SRPK2: variants seen among roughly 807,000 people sequenced by gnomAD.
SRPK2 encodes SFRS protein kinase 2.
In SRPK2, 21 loss-of-function variants were observed where a neutral mutation model predicts 90.8. That is an observed-to-expected ratio of 0.23 (90% confidence interval 0.16 to 0.33). The LOEUF is 0.33. Ranked by LOEUF, SRPK2 falls within the 10% of genes least tolerant of loss-of-function variation. The pLI is 1.00. For missense variants in SRPK2, 620 were observed against 869.0 expected, an observed-to-expected ratio of 0.71 and a Z score of 3.60; for synonymous variants, 288 against 311.1, an observed-to-expected ratio of 0.93 and a Z score of 0.78.
rs536724471 is a variant in SRPK2 at position 105,366,214 on chromosome 7, A to G, written c.71+22434T>C. Among the ~76,000 whole-genome samples, 59 of 152,084 alleles carry G rather than the reference A, an allele frequency of 3.9e-4. No homozygotes were observed. In the South Asian group the frequency reaches 0.012, roughly 30 times the overall value. On this transcript the variant is annotated intron_variant, in intron 2 of 15. Transcript: ENST00000393651. ...CTGCCACTTGGTGGCTTCTCCTGCT[A>G]TCTCCTCATTTCTTAAGGCAAACCT...
intron 8 of SRPK2, among the ~76,000 whole-genome samples, chr7:105,146,139 C>T (rs1221199719): frequency 6.6e-6 from 1 of 152,156 alleles, no homozygotes; most frequent in African/African-American, 2.4e-5. Context: ...AATTTATGTA[C>T]ACAAAATTGA....
intron 2 of SRPK2, among the ~76,000 whole-genome samples, chr7:105,350,551 G>A (rs1223614821): frequency 5.4e-5 from 6 of 110,440 alleles, no homozygotes; most frequent in African/African-American, 2.1e-4. Context: ...TTTTTGAGAC[G>A]GAATCTCTGT....
At position 105,203,700 on chromosome 7, in the gene SRPK2, G is replaced by T. The variant is rs748330120; in HGVS notation, c.157C>A (p.Pro53Thr). 4 of 1,597,296 alleles carry T rather than the reference G, an allele frequency of 2.5e-6. No homozygotes were observed. The highest frequency in any genetic ancestry group is 3.4e-6 in the Non-Finnish European group (4 of 1,172,542). ...PPPPPLPDPT[P>T]PEPEEEILGS... ...AGGATCTCCTCCTCTGGCTCCGGGG[G>T]TGTGGGGTCTGGCAAAGGTGGCGGT... The change falls in exon 3 of 16, where the codon CCC becomes ACC. Residue 53 changes from proline to threonine, a missense_variant. Physicochemically the swap from Pro to Thr is conservative, Grantham distance 38. Coordinates refer to ENST00000393651, the MANE Select transcript of SRPK2 (RefSeq NM_182692.3).
intron 3 of SRPK2, among the ~76,000 whole-genome samples, chr7:105,194,742 G>T (rs1794711037): frequency 6.6e-6 from 1 of 152,154 alleles, no homozygotes; most frequent in African/African-American, 2.4e-5. Context: ...AACAATCCTG[G>T]AAGAGAAGCA....
intron 9 of SRPK2, chr7:105,143,559 G>A: frequency 1.8e-6 from 1 of 564,356 alleles, no homozygotes; most frequent in South Asian, 2.2e-5. Context: ...CCTGCCCTCA[G>A]AGGGATATAG....
At chr7:105,380,369 T>C (rs983308814) in intron 2 of SRPK2, among the ~76,000 whole-genome samples, 2 of 152,050 alleles carry the variant, frequency 1.3e-5, no homozygotes, top group African/African-American at 2.4e-5. Context: ...TGACCTCTAG[T>C]GATCCTCACT....
chr7:105,353,568 G>A (rs749411363), intron 2 of SRPK2, among the ~76,000 whole-genome samples: 19 of 151,876 alleles, frequency 1.3e-4, no homozygotes, highest in Non-Finnish European at 2.4e-4. Flanking sequence ...GTTTTGTCAC[G>A]TTGCTCAGGC....
intron 2 of SRPK2, among the ~76,000 whole-genome samples, chr7:105,386,729 TA>T (rs987251676): frequency 6.6e-6 from 1 of 152,102 alleles, no homozygotes; most frequent in African/African-American, 2.4e-5. Context: ...AAAAAATTAT[TA>T]AATAAAATTA....
intron 9 of SRPK2, among the ~76,000 whole-genome samples, chr7:105,145,060 C>T (rs1390646004): frequency 2.7e-5 from 4 of 147,900 alleles, no homozygotes; most frequent in South Asian, 2.1e-4. Context: ...GAGCCGAGAT[C>T]GCACCACTTG....
At chr7:105,361,517 G>C (rs376789131) in intron 2 of SRPK2, among the ~76,000 whole-genome samples, 12 of 152,124 alleles carry the variant, frequency 7.9e-5, no homozygotes, top group East Asian at 5.8e-4. Flanking sequence ...GCACTGCCAA[G>C]ACAATCCTAA....
chr7:105,351,487 G>A (rs1047792839), intron 2 of SRPK2, among the ~76,000 whole-genome samples: 2 of 144,792 alleles, frequency 1.4e-5, no homozygotes, highest in East Asian at 2.7e-4. Context: ...GTTACACTCC[G>A]TCTCAAAAAT....
intron 2 of SRPK2, among the ~76,000 whole-genome samples, chr7:105,218,429 C>T (rs1797717871): frequency 6.6e-6 from 1 of 152,126 alleles, no homozygotes; most frequent in South Asian, 2.1e-4. Context: ...GATACACACC[C>T]ATGGTTAAGA....
At chr7:105,244,786 G>T in intron 2 of SRPK2, 1 of 968,780 alleles carries the variant, frequency 1.0e-6, no homozygotes, top group East Asian at 2.4e-5. Flanking sequence ...ACATGATCCC[G>T]GAGGCATGTG....
intron 2 of SRPK2, chr7:105,244,597 G>A: frequency 1.5e-6 from 1 of 645,630 alleles, no homozygotes; most frequent in Non-Finnish European, 2.8e-6. Context: ...AAATCCCAGA[G>A]TTCCACGCGG....
At chr7:105,287,285 G>GAAAAAAA (rs1212254616) in intron 2 of SRPK2, among the ~76,000 whole-genome samples, 1 of 25,668 alleles carries the variant, frequency 3.9e-5, no homozygotes, top group East Asian at 1.5e-3. Context: ...AAAAAAAAAA[G>GAAAAAAA]AAGAAAAGGA....
intron 2 of SRPK2, among the ~76,000 whole-genome samples, chr7:105,366,174 C>T (rs1819032562): frequency 6.6e-6 from 1 of 151,788 alleles, no homozygotes; most frequent in Non-Finnish European, 1.5e-5. Context: ...TTAATGGTGT[C>T]TGGGAACTCA....
At chr7:105,137,810 C>T (rs530342713) in intron 11 of SRPK2, among the ~76,000 whole-genome samples, 10 of 152,004 alleles carry the variant, frequency 6.6e-5, no homozygotes, top group Non-Finnish European at 1.3e-4. Flanking sequence ...ACATTCTGCC[C>T]TAAAGTCAGG....
At chr7:105,202,437 T>G (rs1471423669) in intron 3 of SRPK2, among the ~76,000 whole-genome samples, 1 of 152,216 alleles carries the variant, frequency 6.6e-6, no homozygotes, top group East Asian at 1.9e-4. Context: ...CTCACCAACT[T>G]TGGCTCAGGA....
intron 2 of SRPK2, among the ~76,000 whole-genome samples, chr7:105,378,215 TACTGGTTCTTCCAGAACC>T (rs67678290): frequency 0.19 from 28,800 of 152,052 alleles, 3,428 homozygotes; most frequent in East Asian, 0.58. Context: ...CTTGGAGAAT[TACTGGTTCTTCCAGAACC>T]AGTTTAGAAT....
Sources: gnomAD v4.1 joint callset for allele counts (sites outside exome capture counted in the v4.1 genomes callset) on GRCh38, gnomAD v4.1.1 for gene constraint, MANE v1.5 for transcripts, NCBI Gene and HGNC (gene_info 2026-07-23, HGNC 2026-07-21) for gene names.